Variants in SH3PXD2A observed in about 807,000 individuals in gnomAD.
SH3PXD2A encodes the protein SH3 and PX domain-containing protein 2A.
Under a neutral mutation model 115.2 loss-of-function variants are expected in SH3PXD2A, and 32 were observed. The observed-to-expected ratio is 0.28, with a 90% CI of 0.21 to 0.37. The LOEUF (loss-of-function observed/expected upper bound fraction) is 0.37, where lower values mean the gene tolerates loss of function less well. Among genes scored for constraint, SH3PXD2A ranks in the 10% least tolerant of loss-of-function variants. The pLI, the probability that SH3PXD2A is intolerant of heterozygous loss-of-function variation, is 1.00. For missense variants in SH3PXD2A, 1,328 were observed against 1,498.7 expected (o/e 0.89, Z 1.88); for synonymous variants, 610 against 629.1 (o/e 0.97, Z 0.45).
intron 6 of SH3PXD2A, among the ~76,000 whole-genome samples, chr10:103,682,860 G>T (rs2037629312): frequency 6.6e-6 from 1 of 152,170 alleles, no homozygotes; most frequent in Admixed American, 6.5e-5. Flanking sequence ...TTGGAGGGTG[G>T]CAGGAAGATC....
At chr10:103,833,733 G>A (rs1486476408) in intron 1 of SH3PXD2A, among the ~76,000 whole-genome samples, 1 of 152,266 alleles carries the variant, frequency 6.6e-6, no homozygotes, top group Non-Finnish European at 1.5e-5. Context: ...GATCTCCTTT[G>A]CTAGAGGAAA....
At chr10:103,791,103 C>T (rs1322831528) in intron 2 of SH3PXD2A, among the ~76,000 whole-genome samples, 1 of 152,254 alleles carries the variant, frequency 6.6e-6, no homozygotes, top group Admixed American at 6.5e-5. Context: ...AGCCAATGAA[C>T]AGTGCCAAGG....
At chr10:103,700,630 G>A (rs1387247592) in intron 5 of SH3PXD2A, among the ~76,000 whole-genome samples, 1 of 152,200 alleles carries the variant, frequency 6.6e-6, no homozygotes, top group Non-Finnish European at 1.5e-5. Context: ...AGGGGAAGTG[G>A]GGAGGATGGC....
intron 2 of SH3PXD2A, among the ~76,000 whole-genome samples, chr10:103,795,165 C>A (rs546778918): frequency 6.6e-6 from 1 of 152,236 alleles, no homozygotes; most frequent in African/African-American, 2.4e-5. Context: ...CTAGCAAGTG[C>A]AACCAAGGAA....
At chr10:103,772,858 C>G (rs1227643212) in intron 2 of SH3PXD2A, among the ~76,000 whole-genome samples, 1 of 152,164 alleles carries the variant, frequency 6.6e-6, no homozygotes, top group Non-Finnish European at 1.5e-5. Flanking sequence ...CCCTTTCTAT[C>G]TAGCTCAAGA....
chr10:103,704,421 G>A (rs1325263268), intron 5 of SH3PXD2A, among the ~76,000 whole-genome samples: 7 of 152,228 alleles, frequency 4.6e-5, no homozygotes, highest in African/African-American at 2.4e-5. Context: ...CTGGTGGCTG[G>A]TGGCTGGCAG....
At chr10:103,641,054 C>T (rs1042775200) in intron 8 of SH3PXD2A, among the ~76,000 whole-genome samples, 1 of 152,192 alleles carries the variant, frequency 6.6e-6, no homozygotes, top group African/African-American at 2.4e-5. Flanking sequence ...ACTGGCAGCA[C>T]GATCTCATTT....
At chr10:103,712,521 G>C (rs755275539) in intron 5 of SH3PXD2A, among the ~76,000 whole-genome samples, 4 of 152,226 alleles carry the variant, frequency 2.6e-5, no homozygotes, top group African/African-American at 4.8e-5. Flanking sequence ...GAACCCTCCT[G>C]GGATAGGAAG....
rs115031210 is a variant in SH3PXD2A, at chr10:103,803,796, G to A, written c.73-2434C>T. 3.8e-3 allele frequency among the ~76,000 whole-genome samples: 582 copies of A among 152,298 alleles called. 7 individuals carry two copies. The highest frequency in any genetic ancestry group is 0.013 in the African/African-American group (555 of 41,572). Reference sequence around the variant, plus strand: ...TTGCCAAGGTGAAGGACACACCTGCGACACAGCTTCGGGAGGTCCTGATGA... The same window carrying A: ...TTGCCAAGGTGAAGGACACACCTGCAACACAGCTTCGGGAGGTCCTGATGA... On this transcript the variant is annotated intron_variant, in intron 1 of 14. Transcript: ENST00000369774.
chr10:103,810,897 CAGAA>C (rs2039260720), intron 1 of SH3PXD2A, among the ~76,000 whole-genome samples: 4 of 112,478 alleles, frequency 3.6e-5, no homozygotes, highest in Admixed American at 9.7e-5. Flanking sequence ...CACATACACA[CAGAA>C]ACATGGACAC....
chr10:103,600,115 A>AC lies in SH3PXD2A; in HGVS notation c.*1700dup, dbSNP rs887368575. 6.6e-6 allele frequency: 1 copy of AC among 152,372 alleles called. No homozygotes were observed. The allele number at this position is 152,372 out of a possible 1,614,324, so 9.4% of individuals were successfully genotyped here. A position where few individuals can be genotyped will look rare whatever the true frequency, so the allele number is the denominator to read the frequency against. Reference sequence around the variant, plus strand: ...CTTTCCTCCTCTATAGAAAACACCAACCCCCAGTCCAGGGACCCTGGCAGC... The same window carrying AC: ...CTTTCCTCCTCTATAGAAAACACCAACCCCCCAGTCCAGGGACCCTGGCAGC... On this transcript the variant is annotated 3_prime_UTR_variant, in exon 15 of 15. Coordinates refer to ENST00000369774, the MANE Select transcript of SH3PXD2A (RefSeq NM_001394015.1).
chr10:103,752,143 C>G (rs1260108899), intron 3 of SH3PXD2A, among the ~76,000 whole-genome samples: 1 of 152,138 alleles, frequency 6.6e-6, no homozygotes, highest in Admixed American at 6.5e-5. Context: ...GGGAAACATT[C>G]AGGACAAGGG....
intron 8 of SH3PXD2A, among the ~76,000 whole-genome samples, chr10:103,647,785 C>T (rs1435090784): frequency 1.3e-5 from 2 of 152,166 alleles, no homozygotes; most frequent in African/African-American, 4.8e-5. Flanking sequence ...GGTTCTGCTC[C>T]GGTTATCAAT....
intron 1 of SH3PXD2A, among the ~76,000 whole-genome samples, chr10:103,831,024 G>A (rs2039477968): frequency 6.6e-6 from 1 of 152,224 alleles, no homozygotes; most frequent in Non-Finnish European, 1.5e-5. Flanking sequence ...CATAATACAA[G>A]ACAGGTGCGA....
intron 5 of SH3PXD2A, among the ~76,000 whole-genome samples, chr10:103,694,166 G>A (rs1288827891): frequency 6.6e-6 from 1 of 152,156 alleles, no homozygotes; most frequent in African/African-American, 2.4e-5. Flanking sequence ...GCTCTCTCCG[G>A]AGTCCGAAGG....
chr10:103,692,898 G>A, intron 6 of SH3PXD2A, 130 bp downstream of exon 6: 1 of 745,524 alleles, frequency 1.3e-6, no homozygotes, highest in Non-Finnish European at 2.3e-6. Flanking sequence ...TGGCCCGGCA[G>A]GACCCGTAGG....
chr10:103,692,609 C>T (rs1943067387), intron 6 of SH3PXD2A, among the ~76,000 whole-genome samples: 2 of 152,268 alleles, frequency 1.3e-5, no homozygotes, highest in Admixed American at 6.5e-5. Context: ...CTCTATTAAC[C>T]CTTCCATCAC....
chr10:103,639,584 T>TG (rs1293810011), intron 8 of SH3PXD2A, among the ~76,000 whole-genome samples: 1 of 133,984 alleles, frequency 7.5e-6, no homozygotes, highest in Non-Finnish European at 1.5e-5. Flanking sequence ...CACTCCAGCC[T>TG]GGCGACAGAG....
intron 1 of SH3PXD2A, among the ~76,000 whole-genome samples, chr10:103,805,024 T>A (rs890195653): frequency 6.6e-6 from 1 of 152,156 alleles, no homozygotes; most frequent in Admixed American, 6.5e-5. Context: ...AAGAGGCCAA[T>A]CCGCCCCTGG....
Sources: allele counts gnomAD v4.1 joint callset (sites outside exome capture counted in the v4.1 genomes callset), GRCh38; gene constraint gnomAD v4.1.1; transcripts MANE v1.5; gene names NCBI Gene and HGNC (gene_info 2026-07-23, HGNC 2026-07-21).